APBA1: variants seen among roughly 807,000 people sequenced by gnomAD.
APBA1 encodes amyloid beta precursor protein binding family A member 1.
In APBA1, 55 loss-of-function variants were observed where a neutral mutation model predicts 86.6. The ratio of observed to expected loss-of-function variants is 0.64; its 90% CI spans 0.51 to 0.80. The LOEUF (loss-of-function observed/expected upper bound fraction) is 0.80. Among genes scored for constraint, APBA1 ranks in the 30% least tolerant of loss-of-function variants. The pLI, the probability that APBA1 is intolerant of heterozygous loss-of-function variation, is 0.00. For synonymous variants in APBA1, 511 were observed against 493.9 expected, an observed-to-expected ratio of 1.03 and a Z score of -0.46; for missense variants, 1,090 against 1,183.0, an observed-to-expected ratio of 0.92 and a Z score of 1.15.
chr9:69,613,066 G>A (rs1163993216), intron 1 of APBA1, among the ~76,000 whole-genome samples: 1 of 152,092 alleles, frequency 6.6e-6, no homozygotes, highest in East Asian at 1.9e-4. Flanking sequence ...GTCATGAAAG[G>A]TTTGTGAAGG....
At chr9:69,494,639 G>A (rs930879346) in intron 2 of APBA1, 3 of 152,064 alleles carry the variant, frequency 2.0e-5, no homozygotes, top group Non-Finnish European at 2.9e-5. Context: ...TGGAAAAATG[G>A]AGTCTTTCAT....
At chr9:69,518,320 TC>T (rs1362749579) in intron 1 of APBA1, among the ~76,000 whole-genome samples, 3 of 152,130 alleles carry the variant, frequency 2.0e-5, no homozygotes, top group African/African-American at 7.2e-5. Flanking sequence ...TCCACTGGGG[TC>T]CTGAAACCAA....
chr9:69,504,144 G>A (rs1229361102), intron 2 of APBA1, among the ~76,000 whole-genome samples: 1 of 151,846 alleles, frequency 6.6e-6, no homozygotes, highest in African/African-American at 2.4e-5. Context: ...TTATTTCTCT[G>A]AAGCCTGTAA....
rs1246259584 is a variant in APBA1, at chr9:69,429,842, C to G, written c.*1485G>C. 1 of 151,902 alleles carries G rather than the reference C, an allele frequency of 6.6e-6. No homozygotes were observed. Among genetic ancestry groups the G allele is most frequent in the East Asian group, 1.9e-4 (1 of 5,194 alleles). 9.4% of individuals were successfully genotyped at this position (151,902 alleles called of 1,614,324 possible). ...TACAAAATATAATAGTTTCTCTTCCCCTGTCTCTACTGAGGTCATGAATGA... is the reference window on the plus strand; with the variant it reads ...TACAAAATATAATAGTTTCTCTTCCGCTGTCTCTACTGAGGTCATGAATGA... On this transcript the variant is annotated 3_prime_UTR_variant, in exon 13 of 13. Coordinates refer to ENST00000265381, the MANE Select transcript of APBA1 (RefSeq NM_001163.4).
chr9:69,658,326 C>CT (rs1564105115), intron 1 of APBA1, among the ~76,000 whole-genome samples: 1 of 132,380 alleles, frequency 7.6e-6, no homozygotes, highest in Non-Finnish European at 1.6e-5. Context: ...TTCTTTCTTT[C>CT]TTTCTTTCTT....
At chr9:69,551,197 G>A (rs1478570971) in intron 1 of APBA1, among the ~76,000 whole-genome samples, 1 of 152,188 alleles carries the variant, frequency 6.6e-6, no homozygotes, top group Admixed American at 6.5e-5. Flanking sequence ...TGTTAACACT[G>A]CTATACATTG....
Position 69,672,289 on chromosome 9 carries a change from G to A in APBA1, c.-206C>T. On this transcript the variant is annotated 5_prime_UTR_variant, in exon 1 of 13. Coordinates refer to ENST00000265381, the MANE Select transcript of APBA1 (RefSeq NM_001163.4). ...ACCATCTTCTCCCGCCGCAGCTGCC[G>A]CCGCCGCCGCCGCCGCCGGGACCGC... 1 of 174,198 alleles carries A rather than the reference G, an allele frequency of 5.7e-6. No individual in the cohort carries two copies. Among genetic ancestry groups the A allele is most frequent in the Non-Finnish European group, 1.2e-5 (1 of 86,082 alleles). The allele number at this position is 174,198 out of a possible 1,614,324, so 10.8% of individuals were successfully genotyped here.
chr9:69,556,146 C>A (rs116279165), intron 1 of APBA1, among the ~76,000 whole-genome samples: 1 of 152,240 alleles, frequency 6.6e-6, no homozygotes, highest in African/African-American at 2.4e-5. Flanking sequence ...TTCATAGGAA[C>A]CCTTAAAGCA....
chr9:69,484,294 T>C (rs1196539773), intron 2 of APBA1, among the ~76,000 whole-genome samples: 1 of 152,026 alleles, frequency 6.6e-6, no homozygotes, highest in Admixed American at 6.5e-5. Flanking sequence ...AGCAGGGGCA[T>C]GGAAGAGGGA....
At chr9:69,472,986 A>T (rs1233579401) in intron 3 of APBA1, among the ~76,000 whole-genome samples, 2 of 152,368 alleles carry the variant, frequency 1.3e-5, no homozygotes, top group East Asian at 3.9e-4. Context: ...ACAATTCAAC[A>T]CTAATCACAC....
rs989536794 is a variant in APBA1, at chr9:69,608,148, T to C, written c.-70+64005A>G. On this transcript the variant is annotated intron_variant, in intron 1 of 12. Transcript: ENST00000265381. ...AATATCCTACAGCTAATTCTTTTTA[T>C]ATGCAGTGGTATTCCCCCAAGAACA... 2.0e-5 allele frequency among the ~76,000 whole-genome samples: 3 copies of C among 152,208 alleles called. No individual in the cohort carries two copies. The East Asian group carries it at 5.8e-4, about 29-fold the overall frequency.
intron 1 of APBA1, among the ~76,000 whole-genome samples, chr9:69,578,880 A>G (rs1224390237): frequency 6.6e-6 from 1 of 152,218 alleles, no homozygotes; most frequent in South Asian, 2.1e-4. Flanking sequence ...ACACCATTGT[A>G]CCCAGCACCA....
At chr9:69,448,589 C>G (rs1834950941) in intron 10 of APBA1, among the ~76,000 whole-genome samples, 1 of 152,168 alleles carries the variant, frequency 6.6e-6, no homozygotes, top group Non-Finnish European at 1.5e-5. Context: ...CCTCCCACCC[C>G]CACCCCCTTA....
intron 1 of APBA1, among the ~76,000 whole-genome samples, chr9:69,564,045 A>G (rs1836988155): frequency 6.6e-6 from 1 of 152,144 alleles, no homozygotes; most frequent in Admixed American, 6.5e-5. Flanking sequence ...AGGTGCACAT[A>G]AGATGCAACT....
At chr9:69,556,630 C>A (rs1480790577) in intron 1 of APBA1, among the ~76,000 whole-genome samples, 8 of 152,200 alleles carry the variant, frequency 5.3e-5, no homozygotes, top group Non-Finnish European at 1.0e-4. Flanking sequence ...CCAGTCTCAA[C>A]AGTTGCTTTG....
intron 1 of APBA1, among the ~76,000 whole-genome samples, chr9:69,663,010 A>G (rs1262557984): frequency 1.3e-5 from 2 of 152,262 alleles, no homozygotes; most frequent in Non-Finnish European, 2.9e-5. Context: ...AACAATTCAA[A>G]AAACGAAAAA....
chr9:69,436,257 T>G (rs1434183534), intron 11 of APBA1, among the ~76,000 whole-genome samples: 5 of 150,036 alleles, frequency 3.3e-5, no homozygotes, highest in African/African-American at 1.2e-4. Context: ...GACTTGGCAA[T>G]GTGGGCTCTT....
intron 1 of APBA1, among the ~76,000 whole-genome samples, chr9:69,658,296 C>CTT (rs1419845095): frequency 0.03 from 1,119 of 37,660 alleles, 52 homozygotes; most frequent in Middle Eastern, 0.078. Context: ...CTCTCTCTTT[C>CTT]TCTCTCTCTC....
At chr9:69,490,284 T>C (rs1216919766) in intron 2 of APBA1, among the ~76,000 whole-genome samples, 1 of 148,154 alleles carries the variant, frequency 6.7e-6, no homozygotes, top group Non-Finnish European at 1.5e-5. Context: ...TGAGAACACA[T>C]GGACACAGGA....
Sources: allele counts gnomAD v4.1 joint callset (sites outside exome capture counted in the v4.1 genomes callset), GRCh38; gene constraint gnomAD v4.1.1; transcripts MANE v1.5; gene names NCBI Gene and HGNC (gene_info 2026-07-23, HGNC 2026-07-21).